The following MAGI2 variants were observed in gnomAD, a reference collection of about 807,000 sequenced individuals.
The protein encoded by MAGI2 is membrane associated guanylate kinase, WW and PDZ domain containing 2, also known as membrane-associated guanylate kinase, WW and PDZ domain-containing protein 2.
In MAGI2, 35 loss-of-function variants were observed where a neutral mutation model predicts 133.3. That is an observed-to-expected ratio of 0.26 (90% CI 0.20 to 0.35). The LOEUF (loss-of-function observed/expected upper bound fraction) is 0.35. Ranked by LOEUF, MAGI2 falls within the 10% of genes least tolerant of loss-of-function variation. The pLI is 1.00. For synonymous variants in MAGI2, 729 were observed against 710.6 expected (o/e 1.03, Z -0.41); for missense variants, 1,636 against 1,863.4 (o/e 0.88, Z 2.25).
At chr7:78,513,006 A>G (rs1261880707) in intron 4 of MAGI2, among the ~76,000 whole-genome samples, 2 of 152,186 alleles carry the variant, frequency 1.3e-5, no homozygotes, top group African/African-American at 4.8e-5. Flanking sequence ...AGTCCCCCAA[A>G]TTCTTAACAA....
intron 21 of MAGI2, among the ~76,000 whole-genome samples, chr7:78,050,377 CT>C (rs1297347104): frequency 1.3e-5 from 2 of 152,096 alleles, no homozygotes; most frequent in Non-Finnish European, 2.9e-5. Flanking sequence ...ACCATAGGCT[CT>C]TCAAATTAAG....
At position 79,232,742 on chromosome 7, in the gene MAGI2, C is replaced by T. The variant is rs767435072; in HGVS notation, c.301+220278G>A. Reference sequence around the variant, plus strand: ...AATTTTGTTGATCCTTTCAAAAAACCAGCTCCTGGATTCATTAATTTTTTG... The same window carrying T: ...AATTTTGTTGATCCTTTCAAAAAACTAGCTCCTGGATTCATTAATTTTTTG... On this transcript the variant is annotated intron_variant, in intron 1 of 21. Transcript: ENST00000354212. 8.4e-3 allele frequency among the ~76,000 whole-genome samples: 1,063 copies of T among 125,910 alleles called. 7 individuals carry two copies. Among genetic ancestry groups the T allele is most frequent in the Non-Finnish European group, 0.014 (844 of 61,134 alleles). The allele number at this position is 125,910 out of a possible 152,430, so 82.6% of individuals were successfully genotyped here.
intron 2 of MAGI2, among the ~76,000 whole-genome samples, chr7:78,874,130 C>T (rs1795240579): frequency 6.6e-6 from 1 of 151,998 alleles, no homozygotes; most frequent in Non-Finnish European, 1.5e-5. Context: ...ATCAAATATA[C>T]AGACATATGC....
intron 1 of MAGI2, among the ~76,000 whole-genome samples, chr7:79,201,759 G>A (rs544696207): frequency 2.0e-4 from 30 of 151,918 alleles, no homozygotes; most frequent in African/African-American, 7.3e-4. Flanking sequence ...TTTACTATTT[G>A]CATAATAAAA....
intron 7 of MAGI2, among the ~76,000 whole-genome samples, chr7:78,356,996 A>T (rs1792153132): frequency 1.3e-5 from 2 of 152,212 alleles, no homozygotes; most frequent in African/African-American, 4.8e-5. Context: ...CAACTGCCTC[A>T]TCTGTAAATA....
chr7:78,337,960 C>T (rs1418637882), intron 9 of MAGI2, among the ~76,000 whole-genome samples: 1 of 152,040 alleles, frequency 6.6e-6, no homozygotes, highest in Non-Finnish European at 1.5e-5. Flanking sequence ...ATTTGCCCAG[C>T]GCTGTTTTAT....
At chr7:78,231,287 T>C (rs1789941165) in intron 10 of MAGI2, among the ~76,000 whole-genome samples, 1 of 152,176 alleles carries the variant, frequency 6.6e-6, no homozygotes, top group Admixed American at 6.5e-5. Context: ...TACCTGGTGG[T>C]GAGAAAGGGT....
intron 2 of MAGI2, among the ~76,000 whole-genome samples, chr7:78,888,177 G>T (rs1796422169): frequency 6.6e-6 from 1 of 152,182 alleles, no homozygotes; most frequent in South Asian, 2.1e-4. Context: ...CAGGAAGGCT[G>T]GGGGAGGGGC....
At chr7:78,301,575 T>C (rs1042612954) in intron 9 of MAGI2, among the ~76,000 whole-genome samples, 1 of 152,236 alleles carries the variant, frequency 6.6e-6, no homozygotes, top group African/African-American at 2.4e-5. Context: ...TTTGAAATGA[T>C]TCACATGAAA....
At chr7:78,930,897 C>T (rs140828873) in intron 2 of MAGI2, among the ~76,000 whole-genome samples, 91 of 152,070 alleles carry the variant, frequency 6.0e-4, no homozygotes, top group East Asian at 4.6e-3. Flanking sequence ...GCAGTTAGTA[C>T]GGAAATACAG....
At chr7:78,938,546 A>G (rs566236665) in intron 2 of MAGI2, among the ~76,000 whole-genome samples, 16 of 152,260 alleles carry the variant, frequency 1.1e-4, no homozygotes, top group Non-Finnish European at 2.1e-4. Flanking sequence ...GAAATGATAC[A>G]TGATTGAAAC....
intron 14 of MAGI2, among the ~76,000 whole-genome samples, chr7:78,174,625 G>A (rs1826419648): frequency 6.6e-6 from 1 of 152,182 alleles, no homozygotes; most frequent in Admixed American, 6.5e-5. Context: ...GGAATTAGGA[G>A]TGTCTTTGTC....
chr7:79,106,583 C>A (rs1278330944), intron 1 of MAGI2, among the ~76,000 whole-genome samples: 1 of 152,096 alleles, frequency 6.6e-6, no homozygotes, highest in Non-Finnish European at 1.5e-5. Flanking sequence ...GAAACAATTC[C>A]TACTAAGAGT....
At chr7:78,665,736 G>A (rs1037182830) in intron 2 of MAGI2, among the ~76,000 whole-genome samples, 1 of 152,028 alleles carries the variant, frequency 6.6e-6, no homozygotes, top group Non-Finnish European at 1.5e-5. Context: ...AGGATAAAAT[G>A]CCAAAATAAT....
chr7:78,309,409 G>A (rs570081464), intron 9 of MAGI2, among the ~76,000 whole-genome samples: 1 of 152,272 alleles, frequency 6.6e-6, no homozygotes, highest in African/African-American at 2.4e-5. Flanking sequence ...TAGCTAGAGG[G>A]CATTATCCTA....
At chr7:78,684,743 T>C (rs73380256) in intron 2 of MAGI2, among the ~76,000 whole-genome samples, 1 of 105,560 alleles carries the variant, frequency 9.5e-6, no homozygotes, top group Non-Finnish European at 2.1e-5. Context: ...AAAAAAAGCA[T>C]TTTTTTTCTC....
intron 2 of MAGI2, among the ~76,000 whole-genome samples, chr7:78,961,978 C>T (rs1038495438): frequency 6.6e-6 from 1 of 151,892 alleles, no homozygotes; most frequent in Non-Finnish European, 1.5e-5. Context: ...GTAGTGAATA[C>T]TCCAGGCAAC....
At chr7:79,349,010 C>T (rs942403523) in intron 1 of MAGI2, among the ~76,000 whole-genome samples, 2 of 151,864 alleles carry the variant, frequency 1.3e-5, no homozygotes, top group African/African-American at 2.4e-5. Flanking sequence ...AAAAAGACAT[C>T]TCTGTTATGT....
intron 2 of MAGI2, among the ~76,000 whole-genome samples, chr7:78,832,468 C>T (rs1455801039): frequency 1.3e-5 from 2 of 151,970 alleles, no homozygotes; most frequent in East Asian, 1.9e-4. Flanking sequence ...ATTGTAAGGG[C>T]GGGTGGAAAT....
Sources: gnomAD v4.1 joint callset for allele counts (sites outside exome capture counted in the v4.1 genomes callset) on GRCh38, gnomAD v4.1.1 for gene constraint, MANE v1.5 for transcripts, NCBI Gene and HGNC (gene_info 2026-07-23, HGNC 2026-07-21) for gene names.